CRISPLD1: variants seen among roughly 807,000 people sequenced by gnomAD.
CRISPLD1 encodes cysteine rich secretory protein LCCL domain containing 1.
In CRISPLD1, 60 loss-of-function variants were observed where a neutral mutation model predicts 77.5. The observed-to-expected ratio is 0.77, with a 90% CI of 0.63 to 0.96. CRISPLD1 has a LOEUF of 0.96. Among genes scored for constraint, CRISPLD1 ranks in the 40% least tolerant of loss-of-function variants. The pLI, the probability that CRISPLD1 is intolerant of heterozygous loss-of-function variation, is 0.00. For synonymous variants in CRISPLD1, 195 were observed against 200.1 expected (o/e 0.97, Z 0.22); for missense variants, 623 against 615.8 (o/e 1.01, Z -0.12).
At chr8:74,995,612 C>G (rs1812635270) in intron 2 of CRISPLD1, among the ~76,000 whole-genome samples, 2 of 152,156 alleles carry the variant, frequency 1.3e-5, no homozygotes, top group Non-Finnish European at 1.5e-5. Context: ...GTAGCTGTGA[C>G]TACAGCAATG....
chr8:75,022,238 CT>C (rs902580471), intron 12 of CRISPLD1, among the ~76,000 whole-genome samples: 7 of 151,110 alleles, frequency 4.6e-5, no homozygotes, highest in African/African-American at 7.3e-5. Flanking sequence ...AAGCTTCTCC[CT>C]TTTTTTTTAT....
chr8:74,996,204 T>C (rs1812644368), intron 2 of CRISPLD1, among the ~76,000 whole-genome samples: 1 of 151,468 alleles, frequency 6.6e-6, no homozygotes, highest in African/African-American at 2.4e-5. Context: ...GGTGAAGATA[T>C]TACAGTATTT....
intron 2 of CRISPLD1, 135 bp downstream of exon 2, chr8:74,986,380 T>G: frequency 2.2e-6 from 2 of 895,974 alleles, no homozygotes; most frequent in Non-Finnish European, 3.4e-6. Flanking sequence ...TATTTTCCTC[T>G]GCATATTCGT....
intron 2 of CRISPLD1, among the ~76,000 whole-genome samples, chr8:75,004,374 G>A (rs1457942475): frequency 6.6e-6 from 1 of 151,790 alleles, no homozygotes; most frequent in African/African-American, 2.4e-5. Context: ...AGATGATTTA[G>A]TCACAAAAGC....
In CRISPLD1 at chr8:75,014,096, C is replaced by T. The variant is rs1812984976; in HGVS notation, c.620C>T (p.Ser207Phe). Residue 207 changes from serine to phenylalanine, a missense_variant, in exon 5 of 15, where the codon TCC (serine) becomes TTC (phenylalanine). Coordinates refer to ENST00000262207, the MANE Select transcript of CRISPLD1 (RefSeq NM_031461.6). The stretch of plus-strand genomic sequence containing the variant: ...GCTGTCTACCTGGTGTGCAATTACT[C>T]CCCAAAGTGAGTAGACAAAACACTA... ...PKAVYLVCNYSPKGNWWGHAP... is the reference protein window; with the variant it reads ...PKAVYLVCNYFPKGNWWGHAP... 5 of 1,596,812 alleles carry T rather than the reference C, an allele frequency of 3.1e-6. No homozygotes were observed. The highest frequency in any genetic ancestry group is 4.3e-6 in the Non-Finnish European group (5 of 1,164,648).
intron 2 of CRISPLD1, among the ~76,000 whole-genome samples, chr8:75,009,957 G>A (rs975379310): frequency 6.6e-6 from 1 of 151,970 alleles, no homozygotes; most frequent in Non-Finnish European, 1.5e-5. Flanking sequence ...GCCTGTAATT[G>A]GCAAATAAAG....
At chr8:75,013,714 G>T (rs1483479357) in intron 4 of CRISPLD1, among the ~76,000 whole-genome samples, 1 of 151,864 alleles carries the variant, frequency 6.6e-6, no homozygotes, top group Non-Finnish European at 1.5e-5. Flanking sequence ...AGGTTTGTGA[G>T]GATGTAACTT....
intron 2 of CRISPLD1, among the ~76,000 whole-genome samples, chr8:74,989,888 G>A (rs927889859): frequency 6.6e-5 from 10 of 152,162 alleles, no homozygotes; most frequent in African/African-American, 2.4e-4. Flanking sequence ...TTACATGTAA[G>A]TCTTTAATTC....
chr8:75,029,407 A>T lies in CRISPLD1; in HGVS notation c.1341A>T (p.Ala447=). 6.2e-7 allele frequency: 1 copy of T among 1,613,454 alleles called. No individual in the cohort carries two copies. ...VYSDLSSICR[A]AVHAGVVRNH... ...CTCAGCTGTCCAGTATCTGCAGAGC[A>T]GCAGTACATGCTGGAGTGGTTCGAA... Residue 447 remains alanine, a synonymous_variant, in exon 14 of 15, where the codon GCA becomes GCT. Transcript: ENST00000262207.
In CRISPLD1 at chr8:75,013,891, C is replaced by T. The variant is rs2128785518; in HGVS notation, c.511-96C>T. On this transcript the variant is annotated intron_variant, in intron 4 of 14. Transcript: ENST00000262207. ...GTTCATTTTGAATGATAAACGTTGGCTTCTCACATTCAAATTTTATGCATT... is the reference window on the plus strand; with the variant it reads ...GTTCATTTTGAATGATAAACGTTGGTTTCTCACATTCAAATTTTATGCATT... The T allele has an allele frequency of 1.5e-5, 12 of 781,390 alleles. 2 individuals carry two copies. In the South Asian group the frequency reaches 1.7e-4, roughly 11 times the overall value. The allele number at this position is 781,390 out of a possible 1,614,324, so 48.4% of individuals were successfully genotyped here.
chr8:74,992,831 G>A (rs962381469), intron 2 of CRISPLD1, among the ~76,000 whole-genome samples: 20 of 151,290 alleles, frequency 1.3e-4, no homozygotes, highest in Non-Finnish European at 2.9e-4. Flanking sequence ...GGTGTATGTT[G>A]ATGCAAACAA....
chr8:75,016,806 G>T, intron 7 of CRISPLD1, 75 bp from the exon 8 acceptor site: 1 of 1,531,034 alleles, frequency 6.5e-7, no homozygotes, highest in Non-Finnish European at 8.9e-7. Flanking sequence ...AAAAAATTTT[G>T]TCATTAGGCT....
At chr8:75,005,396 T>C (rs139863338) in intron 2 of CRISPLD1, among the ~76,000 whole-genome samples, 112 of 139,916 alleles carry the variant, frequency 8.0e-4, no homozygotes, top group African/African-American at 3.3e-3. Flanking sequence ...ATCAAAGATA[T>C]AAATTTGGAA....
At chr8:75,029,247 A>C in intron 13 of CRISPLD1, 140 bp from the exon 14 acceptor site, 1 of 868,232 alleles carries the variant, frequency 1.2e-6, no homozygotes, top group Non-Finnish European at 1.7e-6. Flanking sequence ...TTTATGCACA[A>C]AACCTCATCC....
rs1163589291 is a variant in CRISPLD1, at chr8:75,034,308, T to G, written c.*2066T>G. 2 of 152,104 alleles carry G rather than the reference T, an allele frequency of 1.3e-5. No homozygotes were observed. The highest frequency in any genetic ancestry group is 3.9e-4 in the East Asian group (2 of 5,186). The allele number at this position is 152,104 out of a possible 1,614,324, so 9.4% of individuals were successfully genotyped here. ...CCTGTAAAATGGAACAAATAATATC[T>G]CCTTAAGATTGCTCTACGAATTAAT... On this transcript the variant is annotated 3_prime_UTR_variant, in exon 15 of 15. Transcript: ENST00000262207.
chr8:75,016,577 G>A lies in CRISPLD1; in HGVS notation c.740G>A (p.Arg247Lys). ...CTTTCTCTAACAGAAGGGTCAGACA[G>A]GTATTATCCCCCTCGAGAAGAGGAA... is the stretch of plus-strand genomic sequence containing the variant. ...ENLCYKEGSD[R>K]YYPPREEETN... is the part of the protein sequence containing the mutation. The change falls in exon 7 of 15, where the codon AGG becomes AAG. Residue 247 changes from arginine to lysine, a missense_variant. Physicochemically the swap from Arg to Lys is conservative, Grantham distance 26. Transcript: ENST00000262207. 1.2e-6 allele frequency: 2 copies of A among 1,612,282 alleles called. No homozygotes were observed. The highest frequency in any genetic ancestry group is 1.7e-6 in the Non-Finnish European group (2 of 1,178,946).
At chr8:74,985,038 G>C (rs938933172) in intron 1 of CRISPLD1, 118 bp downstream of exon 1, 2 of 151,956 alleles carry the variant, frequency 1.3e-5, no homozygotes, top group African/African-American at 4.8e-5. Flanking sequence ...AGAGTGGTTG[G>C]GCGCGATGGG....
rs369699255 is a variant in CRISPLD1, at chr8:75,012,535, G to C, written c.361G>C (p.Gly121Arg). The change falls in exon 3 of 15, where the codon GGA becomes CGA. Residue 121 changes from glycine (G) to arginine (R), a missense_variant. Gly to Arg is a moderately radical substitution (Grantham distance 125, BLOSUM62 -2). Transcript: ENST00000262207. Reference sequence around the variant, plus strand: ...GCTTCCATCAATTGGACAGAATTTGGGAGCACACTGGGGAAGGTATCTTAA... The same window carrying C: ...GCTTCCATCAATTGGACAGAATTTGCGAGCACACTGGGGAAGGTATCTTAA... Reference protein sequence around the residue: ...SLLPSIGQNLGAHWGRYRPPT... With the variant: ...SLLPSIGQNLRAHWGRYRPPT... 8.1e-6 allele frequency: 13 copies of C among 1,604,428 alleles called. No individual in the cohort carries two copies. The highest frequency in any genetic ancestry group is 1.7e-5 in the Admixed American group (1 of 59,832).
chr8:75,028,210 G>T (rs1813268287), intron 13 of CRISPLD1, among the ~76,000 whole-genome samples: 1 of 152,080 alleles, frequency 6.6e-6, no homozygotes, highest in African/African-American at 2.4e-5. Context: ...AAGGATGCAG[G>T]TTTTAGATAC....
Sources: allele counts gnomAD v4.1 joint callset (sites outside exome capture counted in the v4.1 genomes callset), GRCh38; gene constraint gnomAD v4.1.1; transcripts MANE v1.5; gene names NCBI Gene and HGNC (gene_info 2026-07-23, HGNC 2026-07-21).